Variants in ST18 observed in about 807,000 individuals in gnomAD.
The protein encoded by ST18 is suppression of tumorigenicity 18 protein.
A neutral mutation model predicts 110.0 loss-of-function variants in ST18; 50 were observed. That is an observed-to-expected ratio of 0.45 (90% confidence interval 0.36 to 0.58). ST18 has a LOEUF of 0.58. Ranked by LOEUF, ST18 falls within the 20% of genes least tolerant of loss-of-function variation. ST18 has a pLI of 0.00. For synonymous variants in ST18, 461 were observed against 452.4 expected (o/e 1.02, Z -0.24); for missense variants, 1,306 against 1,280.1 (o/e 1.02, Z -0.31).
In ST18 at chr8:52,172,050, C is replaced by A. The variant is rs758929694; in HGVS notation, c.811G>T (p.Ala271Ser). 2.5e-6 allele frequency: 4 copies of A among 1,614,232 alleles called. No individual in the cohort carries two copies. Among genetic ancestry groups the A allele is most frequent in the Non-Finnish European group, 2.5e-6 (3 of 1,180,048 alleles). ...TCAACGTCAGGGAATGAGGGCTGGG[C>A]ATTGCCATCCAGGGGTTCTGCGAGA... ...NALAEPLDGN[A>S]QPSFPDVEEE... The change falls in exon 10 of 26, where the codon GCC becomes TCC. Residue 271 changes from alanine to serine, a missense_variant. By Grantham distance (99) the Ala-to-Ser change is moderately conservative. Coordinates refer to ENST00000689386, the MANE Select transcript of ST18 (RefSeq NM_001352837.2).
intron 2 of ST18, among the ~76,000 whole-genome samples, chr8:52,355,052 A>G (rs1404561013): frequency 6.6e-6 from 1 of 152,222 alleles, no homozygotes; most frequent in African/African-American, 2.4e-5. Flanking sequence ...TCAGCAGCAC[A>G]GGGGTATTGG....
At chr8:52,389,841 G>C (rs1266178305) in intron 2 of ST18, among the ~76,000 whole-genome samples, 2 of 152,204 alleles carry the variant, frequency 1.3e-5, no homozygotes, top group Non-Finnish European at 2.9e-5. Context: ...CCAGAGACCG[G>C]GTAGTGGCGC....
intron 2 of ST18, among the ~76,000 whole-genome samples, chr8:52,375,206 A>G (rs1447300722): frequency 1.3e-5 from 2 of 152,058 alleles, no homozygotes; most frequent in Admixed American, 6.6e-5. Context: ...CTCTCATCTT[A>G]AAACCAAAAT....
chr8:52,132,115 C>A lies in ST18; in HGVS notation c.2509G>T (p.Ala837Ser). 1 of 1,614,142 alleles carries A rather than the reference C, an allele frequency of 6.2e-7. No individual in the cohort carries two copies. The highest frequency in any genetic ancestry group is 8.5e-7 in the Non-Finnish European group (1 of 1,180,046). Residue 837 changes from alanine (A) to serine (S), a missense_variant, in exon 22 of 26, where the codon GCT becomes TCT. Physicochemically the swap from Ala to Ser is moderately conservative, Grantham distance 99. Coordinates refer to ENST00000689386, the MANE Select transcript of ST18 (RefSeq NM_001352837.2). ...ISGKYTSHRTASGCPLAAKRQ... is the reference protein window; with the variant it reads ...ISGKYTSHRTSSGCPLAAKRQ... ...TTGGCAGCCAGAGGACAGCCAGAAG[C>A]TGTGCGGTGTGATGTGTATTTACCT...
At chr8:52,377,665 A>G (rs988562652) in intron 2 of ST18, among the ~76,000 whole-genome samples, 2 of 152,246 alleles carry the variant, frequency 1.3e-5, no homozygotes, top group Admixed American at 1.3e-4. Flanking sequence ...AATGTAAATT[A>G]GTACAACCAC....
At chr8:52,377,519 C>T (rs773735476) in intron 2 of ST18, among the ~76,000 whole-genome samples, 25 of 152,176 alleles carry the variant, frequency 1.6e-4, no homozygotes, top group Non-Finnish European at 3.2e-4. Flanking sequence ...CATCACTAAT[C>T]ATCAGAGAAA....
chr8:52,315,831 T>G (rs2096014848), intron 2 of ST18, among the ~76,000 whole-genome samples: 1 of 152,240 alleles, frequency 6.6e-6, no homozygotes, highest in Admixed American at 6.5e-5. Context: ...TACCTCCCTA[T>G]TATTTGCTCT....
rs1587295059 is a variant in ST18 at position 52,158,882 on chromosome 8, T to C, written c.1806+16A>G. 1.2e-6 allele frequency: 2 copies of C among 1,613,896 alleles called. No individual in the cohort carries two copies. Among genetic ancestry groups the C allele is most frequent in the East Asian group, 4.5e-5 (2 of 44,874 alleles). On this transcript the variant is annotated intron_variant, in intron 15 of 25. Coordinates refer to ENST00000689386, the MANE Select transcript of ST18 (RefSeq NM_001352837.2). ...TCAGTCGCTGGCCCACCCTCCGGGC[T>C]CTTGGACTGGCCTACCTTGGCATGC... is the stretch of plus-strand genomic sequence containing the variant.
At chr8:52,374,075 T>A (rs925145754) in intron 2 of ST18, among the ~76,000 whole-genome samples, 1 of 152,068 alleles carries the variant, frequency 6.6e-6, no homozygotes, top group Non-Finnish European at 1.5e-5. Context: ...ATTCAACCAA[T>A]CCAAAGATAA....
chr8:52,157,100 T>C (rs1421754387), intron 15 of ST18, among the ~76,000 whole-genome samples: 3 of 152,216 alleles, frequency 2.0e-5, no homozygotes, highest in African/African-American at 4.8e-5. Flanking sequence ...AACACAACAC[T>C]GAAAATCTAC....
chr8:52,112,993 T>C lies in ST18; in HGVS notation c.*205A>G. 1 of 422,860 alleles carries C rather than the reference T, an allele frequency of 2.4e-6. No individual in the cohort carries two copies. Among genetic ancestry groups the C allele is most frequent in the East Asian group, 3.6e-5 (1 of 27,628 alleles). 26.2% of individuals were successfully genotyped at this position (422,860 alleles called of 1,614,324 possible). A position where few individuals can be genotyped will look rare whatever the true frequency, so the allele number is the denominator to read the frequency against. On this transcript the variant is annotated 3_prime_UTR_variant, in exon 26 of 26. Coordinates refer to ENST00000689386, the MANE Select transcript of ST18 (RefSeq NM_001352837.2). ...TATGAAAATAAATAAGATCTAATAA[T>C]TGACTGCATTGCTTTTAATCCAAGA...
At chr8:52,389,095 A>C (rs923212298) in intron 2 of ST18, among the ~76,000 whole-genome samples, 2 of 152,142 alleles carry the variant, frequency 1.3e-5, no homozygotes, top group African/African-American at 4.8e-5. Context: ...CCACACAGCC[A>C]AGAGGAGGCG....
At chr8:52,286,230 C>G (rs2095469974) in intron 2 of ST18, among the ~76,000 whole-genome samples, 1 of 152,110 alleles carries the variant, frequency 6.6e-6, no homozygotes, top group Admixed American at 6.5e-5. Context: ...TGTCCACACT[C>G]AAAAATGGAA....
chr8:52,219,763 G>A (rs1246009358), intron 5 of ST18, among the ~76,000 whole-genome samples: 1 of 152,194 alleles, frequency 6.6e-6, no homozygotes, highest in Non-Finnish European at 1.5e-5. Flanking sequence ...ATTTCCTAGA[G>A]CTTCTTAGAA....
chr8:52,328,953 T>C (rs1047127046), intron 2 of ST18, among the ~76,000 whole-genome samples: 3 of 152,176 alleles, frequency 2.0e-5, no homozygotes, highest in African/African-American at 4.8e-5. Flanking sequence ...GTAATGTGAC[T>C]GATTCATAAA....
chr8:52,133,212 A>C, intron 20 of ST18, 27 bp downstream of exon 20: 9 of 1,614,124 alleles, frequency 5.6e-6, no homozygotes, highest in Non-Finnish European at 7.6e-6. Flanking sequence ...GCTCATTTCC[A>C]CATCTCAGAA....
rs764698287 is a variant in ST18 at position 52,180,290 on chromosome 8, C to T, written c.109G>A (p.Ala37Thr). The T allele has an allele frequency of 3.8e-5, 62 of 1,613,982 alleles. No individual in the cohort carries two copies. The Admixed American group carries it at 9.5e-4, about 25-fold the overall frequency. ...TGATCTTCAGCTGTTCTCTTCTTTGCCATGGAGCAATCATAGGCAACACTG... is the reference window on the plus strand; with the variant it reads ...TGATCTTCAGCTGTTCTCTTCTTTGTCATGGAGCAATCATAGGCAACACTG... Reference protein sequence around the residue: ...ELSVAYDCSMAKKRTAEDQAL... With the variant: ...ELSVAYDCSMTKKRTAEDQAL... The change falls in exon 9 of 26, where the codon GCA becomes ACA. Residue 37 changes from alanine to threonine, a missense_variant. Ala to Thr is a moderately conservative substitution (Grantham distance 58). Transcript: ENST00000689386.
chr8:52,175,006 C>T (rs888771112), intron 9 of ST18, among the ~76,000 whole-genome samples: 1 of 152,094 alleles, frequency 6.6e-6, no homozygotes, highest in Admixed American at 6.5e-5. Flanking sequence ...TTATTTTGTG[C>T]CTCTGCCACT....
rs565952807 is a variant in ST18, at chr8:52,389,156, C to T, written c.-465+20172G>A. On this transcript the variant is annotated intron_variant, in intron 2 of 25. Coordinates refer to ENST00000689386, the MANE Select transcript of ST18 (RefSeq NM_001352837.2). The stretch of plus-strand genomic sequence containing the variant: ...GCCCGGGGCTTGGCTGTGGGGCTCC[C>T]AGGCCTCAGCACAGAGCGCGAAAGT... Among the ~76,000 whole-genome samples the T allele has an allele frequency of 8.7e-3, 1,329 of 152,226 alleles. 10 individuals carry two copies. The highest frequency in any genetic ancestry group is 0.013 in the Non-Finnish European group (899 of 68,008).
Sources: gnomAD v4.1 joint callset for allele counts (sites outside exome capture counted in the v4.1 genomes callset) on GRCh38, gnomAD v4.1.1 for gene constraint, MANE v1.5 for transcripts, NCBI Gene and HGNC (gene_info 2026-07-23, HGNC 2026-07-21) for gene names.